HSD17B14: variants seen among roughly 807,000 people sequenced by gnomAD.
HSD17B14 encodes L-fucose dehydrogenase.
Under a neutral mutation model 32.2 loss-of-function variants are expected in HSD17B14, and 32 were observed. That is an observed-to-expected ratio of 0.99 (90% CI 0.75 to 1.33). The LOEUF (loss-of-function observed/expected upper bound fraction) is 1.33. Ranked by LOEUF, HSD17B14 falls within the 40% of genes most tolerant of loss-of-function variation. The probability of loss-of-function intolerance (pLI) is 0.00; values close to 1 mark genes in which losing one functional copy is unlikely to be tolerated. For missense variants in HSD17B14, 370 were observed against 366.5 expected (o/e 1.01, Z -0.08); for synonymous variants, 140 against 155.4 (o/e 0.90, Z 0.74).
chr19:48,836,215 A>G, intron 1 of HSD17B14, 109 bp downstream of exon 1: 1 of 1,156,030 alleles, frequency 8.7e-7, no homozygotes, highest in Admixed American at 2.2e-5. Context: ...CTTTTATAAT[A>G]TCAGAATCCT....
At chr19:48,819,734 G>A (rs540119220) in intron 5 of HSD17B14, among the ~76,000 whole-genome samples, 489 of 152,204 alleles carry the variant, frequency 3.2e-3, no homozygotes, top group Non-Finnish European at 5.1e-3. Context: ...CCCTCATAAA[G>A]CAAAACACAC....
chr19:48,816,779 T>TTTTCTTTCTTTCTTTTC (rs2035058289), intron 5 of HSD17B14, among the ~76,000 whole-genome samples: 1 of 122,180 alleles, frequency 8.2e-6, no homozygotes, highest in Non-Finnish European at 1.7e-5. Context: ...GCAAGACCCT[T>TTTTCTTTCTTTCTTTTC]TTTCTTTCTT....
chr19:48,833,790 C>T (rs1270192248), intron 3 of HSD17B14, among the ~76,000 whole-genome samples: 1 of 151,256 alleles, frequency 6.6e-6, no homozygotes, highest in East Asian at 1.9e-4. Context: ...CACACCATTG[C>T]ACTCCAGCCT....
rs879191915 is a variant in HSD17B14, at chr19:48,834,450, C to T, written c.128-92G>A. The T allele has an allele frequency of 2.2e-3, 1,402 of 647,176 alleles. 9 individuals carry two copies. Among genetic ancestry groups the T allele is most frequent in the Admixed American group, 5.7e-3 (139 of 24,590 alleles). The allele number at this position is 647,176 out of a possible 1,614,324, so 40.1% of individuals were successfully genotyped here. On this transcript the variant is annotated intron_variant, in intron 2 of 8. Coordinates refer to ENST00000263278, the MANE Select transcript of HSD17B14 (RefSeq NM_016246.3). ...ACTCCTGGGTCTGAGGGAGGAGGTG[C>T]TGGGGGCCTGGACTCCTGGGTCTGA...
intron 5 of HSD17B14, among the ~76,000 whole-genome samples, chr19:48,817,098 C>T (rs977394900): frequency 1.3e-5 from 2 of 149,818 alleles, no homozygotes; most frequent in African/African-American, 2.5e-5. Context: ...CTGCCTGGCT[C>T]GGCCTCCCAA....
At position 48,813,226 on chromosome 19, in the gene HSD17B14, C is replaced by G. The variant is rs757982643; in HGVS notation, c.762G>C (p.Gly254=). 1.2e-6 allele frequency: 2 copies of G among 1,611,516 alleles called. No individual in the cohort carries two copies. Among genetic ancestry groups the G allele is most frequent in the African/African-American group, 2.7e-5 (2 of 75,000 alleles). Residue 254 remains glycine, a synonymous_variant, in exon 9 of 9, where the codon GGG becomes GGC. Transcript: ENST00000263278. ...CGGGGGTGCTCCGACTGGCCTTGCA[C>G]CCGTACCCCAGCTCTGCACCCCCCG... ...LVTGGAELGY[G]CKASRSTPVD...
chr19:48,816,776 C>G (rs2035057464), intron 5 of HSD17B14, among the ~76,000 whole-genome samples: 2 of 62,402 alleles, frequency 3.2e-5, no homozygotes, highest in Non-Finnish European at 7.3e-5. Context: ...TTAGCAAGAC[C>G]CTTTTTCTTT....
chr19:48,817,591 A>G (rs1296075817), intron 5 of HSD17B14, among the ~76,000 whole-genome samples: 2 of 151,814 alleles, frequency 1.3e-5, no homozygotes, highest in African/African-American at 4.8e-5. Flanking sequence ...GGCCATATAT[A>G]TTTTACTTGT....
At chr19:48,814,831 T>C in intron 6 of HSD17B14, among the ~76,000 whole-genome samples, 1 of 134,702 alleles carries the variant, frequency 7.4e-6, no homozygotes, top group African/African-American at 2.9e-5. Flanking sequence ...AGAGCGAGAC[T>C]CCATCTTTAA....
intron 6 of HSD17B14, 59 bp downstream of exon 6, chr19:48,814,978 C>G (rs2035026766): frequency 2.2e-6 from 3 of 1,393,772 alleles, no homozygotes; most frequent in Non-Finnish European, 3.1e-6. Flanking sequence ...TGTCTGGACT[C>G]AAAGCCAAGG....
chr19:48,818,180 G>A (rs1220583070), intron 5 of HSD17B14, among the ~76,000 whole-genome samples: 7 of 151,758 alleles, frequency 4.6e-5, no homozygotes, highest in Admixed American at 3.3e-4. Context: ...GTGTGGTGGT[G>A]CGTGCCTGTA....
chr19:48,821,551 G>A (rs2035148408), intron 5 of HSD17B14, among the ~76,000 whole-genome samples: 1 of 152,172 alleles, frequency 6.6e-6, no homozygotes, highest in Non-Finnish European at 1.5e-5. Context: ...ATCTGGGCAG[G>A]GGCCCCAGAA....
At chr19:48,826,542 T>TATATATATATATATATATAG in intron 5 of HSD17B14, among the ~76,000 whole-genome samples, 14 of 80,118 alleles carry the variant, frequency 1.7e-4, no homozygotes, top group African/African-American at 6.8e-4. Context: ...TATATATATA[T>TATATATATATATATATATAG]ACACACACAC....
At chr19:48,828,798 A>T (rs2035291082) in intron 5 of HSD17B14, among the ~76,000 whole-genome samples, 1 of 151,936 alleles carries the variant, frequency 6.6e-6, no homozygotes. Context: ...ACAGTGGCTC[A>T]TGCCTGTAAT....
At chr19:48,823,175 G>A (rs1599833880) in intron 5 of HSD17B14, among the ~76,000 whole-genome samples, 1 of 151,756 alleles carries the variant, frequency 6.6e-6, no homozygotes. Context: ...AATTGTATTA[G>A]GTGATATAAT....
intron 5 of HSD17B14, among the ~76,000 whole-genome samples, chr19:48,820,850 GA>G (rs377553751): frequency 4.3e-4 from 64 of 148,146 alleles, no homozygotes; most frequent in African/African-American, 1.5e-3. Context: ...CAAAAAGTAA[GA>G]AAAAAAAAGA....
At chr19:48,821,641 G>A (rs1458012336) in intron 5 of HSD17B14, among the ~76,000 whole-genome samples, 1 of 151,372 alleles carries the variant, frequency 6.6e-6, no homozygotes, top group African/African-American at 2.4e-5. Context: ...TTTTGATGGT[G>A]ATGGTGATGA....
Position 48,813,700 on chromosome 19 carries a change from C to A in HSD17B14, c.505G>T (p.Ala169Ser). 1.9e-6 allele frequency: 3 copies of A among 1,614,218 alleles called. No individual in the cohort carries two copies. The highest frequency in any genetic ancestry group is 2.5e-6 in the Non-Finnish European group (3 of 1,180,040). Reference protein sequence around the residue: ...GAVTAMTKALALDESPYGVRV... With the variant: ...GAVTAMTKALSLDESPYGVRV... ...ACACCATATGGACTTTCATCCAGGGCCAAAGCTTTGGTCATGGCTGTTACT... is the reference window on the plus strand; with the variant it reads ...ACACCATATGGACTTTCATCCAGGGACAAAGCTTTGGTCATGGCTGTTACT... The change falls in exon 7 of 9, where the codon GCC becomes TCC. Residue 169 changes from alanine (A) to serine (S), a missense_variant. Physicochemically the swap from Ala to Ser is moderately conservative, Grantham distance 99. Transcript: ENST00000263278.
At chr19:48,822,267 C>T (rs954945268) in intron 5 of HSD17B14, among the ~76,000 whole-genome samples, 33 of 95,302 alleles carry the variant, frequency 3.5e-4, no homozygotes, top group African/African-American at 9.4e-4. Context: ...TTAGTAATGA[C>T]GGTGGTGATG....
Sources: gnomAD v4.1 joint callset for allele counts (sites outside exome capture counted in the v4.1 genomes callset) on GRCh38, gnomAD v4.1.1 for gene constraint, MANE v1.5 for transcripts, NCBI Gene and HGNC (gene_info 2026-07-23, HGNC 2026-07-21) for gene names.